The following ADPRS variants were observed in gnomAD, a reference collection of about 807,000 sequenced individuals.
The protein encoded by ADPRS is ADP-ribosylserine hydrolase, also known as ADP-ribosylhydrolase ARH3.
In ADPRS, 25 loss-of-function variants were observed where a neutral mutation model predicts 32.1. The observed-to-expected ratio is 0.78, with a 90% confidence interval of 0.57 to 1.09. The LOEUF is 1.09. Ranked by LOEUF, ADPRS falls within the 50% of genes least tolerant of loss-of-function variation. ADPRS has a pLI of 0.00. For synonymous variants in ADPRS, 225 were observed against 201.0 expected, an observed-to-expected ratio of 1.12 and a Z score of -1.01; for missense variants, 482 against 480.6, an observed-to-expected ratio of 1.00 and a Z score of -0.03.
intron 1 of ADPRS, among the ~76,000 whole-genome samples, chr1:36,089,703 A>G (rs923948414): frequency 2.0e-5 from 3 of 152,158 alleles, no homozygotes; most frequent in African/African-American, 4.8e-5. Flanking sequence ...GTACAGAGCC[A>G]CATTCCTTAA....
chr1:36,093,366 C>G lies in ADPRS; in HGVS notation c.1072C>G (p.Arg358Gly). The G allele has an allele frequency of 1.2e-6, 2 of 1,613,708 alleles. No homozygotes were observed. The highest frequency in any genetic ancestry group is 4.5e-5 in the East Asian group (2 of 44,886). ...AGACATCCTGGCCCAAAGCCTGCAC[C>G]GTGTCTTCCAGAAGAGTTGATGAGG... ...ETDILAQSLH[R>G]VFQKS is the part of the protein sequence containing the mutation. Residue 358 changes from arginine (R) to glycine (G), a missense_variant, in exon 6 of 6, where the codon CGT becomes GGT. Coordinates refer to ENST00000373178, the MANE Select transcript of ADPRS (RefSeq NM_017825.3).
Position 36,091,202 on chromosome 1 carries a change from A to G in ADPRS, c.212-42A>G, listed in dbSNP as rs374352908. 1.2e-5 allele frequency: 19 copies of G among 1,564,078 alleles called. No homozygotes were observed. In the Admixed American group the frequency reaches 1.7e-4, roughly 14 times the overall value. On this transcript the variant is annotated intron_variant, in intron 1 of 5. Transcript: ENST00000373178. ...GCAAAAAACAACAACAAAAAAAACA[A>G]AGGTGAGCAGGAGGCTCTCATCCTC...
chr1:36,093,320 C>T lies in ADPRS; in HGVS notation c.1026C>T (p.Ser342=), dbSNP rs747928436. 5.0e-6 allele frequency: 8 copies of T among 1,614,262 alleles called. No homozygotes were observed. Among genetic ancestry groups the T allele is most frequent in the Non-Finnish European group, 2.5e-6 (3 of 1,180,054 alleles). Residue 342 remains serine (S), a synonymous_variant, in exon 6 of 6, where the codon AGC becomes AGT. Coordinates refer to ENST00000373178, the MANE Select transcript of ADPRS (RefSeq NM_017825.3). Reference sequence around the variant, plus strand: ...AGGTGCCAGAGAGCTGGCAGCAAAGCTGTGAAGGCTACGAGGAGACAGACA... The same window carrying T: ...AGGTGCCAGAGAGCTGGCAGCAAAGTTGTGAAGGCTACGAGGAGACAGACA... ...MDQVPESWQQ[S]CEGYEETDIL... is the part of the protein sequence containing the mutation.
Position 36,092,230 on chromosome 1 carries a change from T to C in ADPRS, c.701+136T>C, listed in dbSNP as rs566741362. 6 of 1,308,962 alleles carry C rather than the reference T, an allele frequency of 4.6e-6. No homozygotes were observed. In the East Asian group the frequency reaches 7.5e-5, roughly 16 times the overall value. 81.1% of individuals were successfully genotyped at this position (1,308,962 alleles called of 1,614,324 possible). A position where few individuals can be genotyped will look rare whatever the true frequency, so the allele number is the denominator to read the frequency against. Reference sequence around the variant, plus strand: ...GGCAGAAGCCCCTTTATCTTGTCTATGTTTCAAGGCTCTCAGGGTCCCAGA... The same window carrying C: ...GGCAGAAGCCCCTTTATCTTGTCTACGTTTCAAGGCTCTCAGGGTCCCAGA... On this transcript the variant is annotated intron_variant, in intron 4 of 5. Transcript: ENST00000373178.
At chr1:36,092,133 G>A in intron 4 of ADPRS, 39 bp downstream of exon 4, 1 of 1,559,332 alleles carries the variant, frequency 6.4e-7, no homozygotes, top group Non-Finnish European at 8.7e-7. Context: ...TGGGTATGTG[G>A]GTGATCCAGG....
In ADPRS at chr1:36,091,284, C is replaced by G; in HGVS notation, c.252C>G (p.Ala84=). 6.2e-7 allele frequency: 1 copy of G among 1,614,206 alleles called. No homozygotes were observed. Among genetic ancestry groups the G allele is most frequent in the African/African-American group, 1.3e-5 (1 of 75,058 alleles). Residue 84 remains alanine (A), a synonymous_variant, in exon 2 of 6, where the codon GCC becomes GCG. Transcript: ENST00000373178. ...CAGATGACACAGCCATGGCCAGGGC[C>G]CTGGTGCAGTCCCTGCTAGCCAAGG... ...YYTDDTAMAR[A]LVQSLLAKEA...
In ADPRS at chr1:36,091,702, A is replaced by G. The variant is rs750785885; in HGVS notation, c.393A>G (p.Lys131=). The G allele has an allele frequency of 9.3e-6, 15 of 1,613,716 alleles. No homozygotes were observed. The highest frequency in any genetic ancestry group is 1.6e-4 in the Middle Eastern group (1 of 6,084). The change falls in exon 3 of 6, where the codon AAA becomes AAG. Residue 131 remains lysine, a synonymous_variant. Transcript: ENST00000373178. The part of the protein sequence containing the change: ...VTVFKKLLNP[K]CRDVFEPARA... ...TCTTCAAGAAGCTCCTGAACCCCAA[A>G]TGTCGCGATGTCTTTGAGCCTGCCC...
At chr1:36,089,531 G>A (rs1414481318) in intron 1 of ADPRS, among the ~76,000 whole-genome samples, 2 of 152,128 alleles carry the variant, frequency 1.3e-5, no homozygotes, top group Non-Finnish European at 2.9e-5. Flanking sequence ...CCTAAGTCGG[G>A]GACTGTCTGT....
chr1:36,091,605 T>C lies in ADPRS; in HGVS notation c.309-13T>C. On this transcript the variant is annotated splice_polypyrimidine_tract_variant and intron_variant, in intron 2 of 5. Coordinates refer to ENST00000373178, the MANE Select transcript of ADPRS (RefSeq NM_017825.3). ...TTGTAAATCTGAATTCTGTCTCCCCTTCTGTTCCCTAGATTTGCTCAGGAG... is the reference window on the plus strand; with the variant it reads ...TTGTAAATCTGAATTCTGTCTCCCCCTCTGTTCCCTAGATTTGCTCAGGAG... The C allele has an allele frequency of 1.3e-6, 2 of 1,574,022 alleles. No homozygotes were observed. The highest frequency in any genetic ancestry group is 1.7e-6 in the Non-Finnish European group (2 of 1,157,874).
At position 36,093,839 on chromosome 1, in the gene ADPRS, C is replaced by G; in HGVS notation, c.*453C>G. 1 of 165,956 alleles carries G rather than the reference C, an allele frequency of 6.0e-6. No homozygotes were observed. The highest frequency in any genetic ancestry group is 5.7e-5 in the Admixed American group (1 of 17,506). The allele number at this position is 165,956 out of a possible 1,614,324, so 10.3% of individuals were successfully genotyped here. On this transcript the variant is annotated 3_prime_UTR_variant, in exon 6 of 6. Transcript: ENST00000373178. ...GGATGAAGGGACAGGCACTTGCATC[C>G]AGCTGATCTAGGTCACACCTGGCTC...
At chr1:36,092,346 C>G (rs1643495810) in intron 4 of ADPRS, 76 bp from the exon 5 acceptor site, 1 of 1,427,802 alleles carries the variant, frequency 7.0e-7, no homozygotes, top group Non-Finnish European at 9.7e-7. Flanking sequence ...TGCTCGTTCT[C>G]ACATGCAGCC....
chr1:36,092,925 T>A (rs978985814), intron 5 of ADPRS, among the ~76,000 whole-genome samples, 172 bp from the exon 6 acceptor site: 2 of 152,182 alleles, frequency 1.3e-5, no homozygotes, highest in African/African-American at 4.8e-5. Flanking sequence ...CCTAGGTAAC[T>A]CTCCCAGTCA....
chr1:36,089,145 C>A, intron 1 of ADPRS, 30 bp downstream of exon 1: 1 of 1,388,520 alleles, frequency 7.2e-7, no homozygotes, highest in East Asian at 3.0e-5. Flanking sequence ...AGTCAGAGGC[C>A]GTGCGGGAGG....
Position 36,093,715 on chromosome 1 carries a change from G to T in ADPRS, c.*329G>T. On this transcript the variant is annotated 3_prime_UTR_variant, in exon 6 of 6. Coordinates refer to ENST00000373178, the MANE Select transcript of ADPRS (RefSeq NM_017825.3). ...TTGTCTTGGACATGGGATGTGGGGA[G>T]GTGGAAATGATGAGCAGTAGCATCA... is the stretch of plus-strand genomic sequence containing the variant. The T allele has an allele frequency of 3.7e-6, 1 of 272,942 alleles. No individual in the cohort carries two copies. Among genetic ancestry groups the T allele is most frequent in the South Asian group, 7.7e-5 (1 of 13,046 alleles). The allele number at this position is 272,942 out of a possible 1,614,324, so 16.9% of individuals were successfully genotyped here. A position where few individuals can be genotyped will look rare whatever the true frequency, so the allele number is the denominator to read the frequency against.
At position 36,093,425 on chromosome 1, in the gene ADPRS, G is replaced by A; in HGVS notation, c.*39G>A. ...TGTTGGGGCTCTGCCAGGTCCCCTGGGACCAACTACAGCTCCAATCAGAAA... is the reference window on the plus strand; with the variant it reads ...TGTTGGGGCTCTGCCAGGTCCCCTGAGACCAACTACAGCTCCAATCAGAAA... On this transcript the variant is annotated 3_prime_UTR_variant, in exon 6 of 6. Transcript: ENST00000373178. 1 of 1,584,986 alleles carries A rather than the reference G, an allele frequency of 6.3e-7. No individual in the cohort carries two copies. The highest frequency in any genetic ancestry group is 1.8e-5 in the Admixed American group (1 of 56,966).
Position 36,091,750 on chromosome 1 carries a change from C to T in ADPRS, c.441C>T (p.Gly147=). ...EPARAQFNGK[G]SYGNGGAMRV... ...CCCGGGCCCAGTTTAACGGGAAAGGCTCCTATGGCAATGGAGGTGCCATGC... is the reference window on the plus strand; with the variant it reads ...CCCGGGCCCAGTTTAACGGGAAAGGTTCCTATGGCAATGGAGGTGCCATGC... Residue 147 remains glycine, a synonymous_variant, in exon 3 of 6, where the codon GGC becomes GGT. Transcript: ENST00000373178. 3.1e-6 allele frequency: 5 copies of T among 1,613,394 alleles called. No individual in the cohort carries two copies. The highest frequency in any genetic ancestry group is 4.2e-6 in the Non-Finnish European group (5 of 1,179,620).
chr1:36,093,829 C>CG lies in ADPRS; in HGVS notation c.*443_*444insG. 1 of 167,334 alleles carries CG rather than the reference C, an allele frequency of 6.0e-6. No homozygotes were observed. Among genetic ancestry groups the CG allele is most frequent in the Admixed American group, 5.7e-5 (1 of 17,620 alleles). 10.4% of individuals were successfully genotyped at this position (167,334 alleles called of 1,614,324 possible). ...CAGGTTGTGTGGATGAAGGGACAGGCACTTGCATCCAGCTGATCTAGGTCA... is the reference window on the plus strand; with the variant it reads ...CAGGTTGTGTGGATGAAGGGACAGGCGACTTGCATCCAGCTGATCTAGGTCA... On this transcript the variant is annotated 3_prime_UTR_variant, in exon 6 of 6. Coordinates refer to ENST00000373178, the MANE Select transcript of ADPRS (RefSeq NM_017825.3).
At chr1:36,089,571 C>T (rs1006554131) in intron 1 of ADPRS, among the ~76,000 whole-genome samples, 1 of 152,114 alleles carries the variant, frequency 6.6e-6, no homozygotes, top group Non-Finnish European at 1.5e-5. Flanking sequence ...CTCTTTTTCC[C>T]GGTTCTCTAG....
At chr1:36,090,025 G>A (rs1643457685) in intron 1 of ADPRS, among the ~76,000 whole-genome samples, 3 of 152,134 alleles carry the variant, frequency 2.0e-5, no homozygotes, top group Admixed American at 2.0e-4. Flanking sequence ...AAGGGGATTA[G>A]GGAAGGAAAC....
Sources: allele counts gnomAD v4.1 joint callset (sites outside exome capture counted in the v4.1 genomes callset), GRCh38; gene constraint gnomAD v4.1.1; transcripts MANE v1.5; gene names NCBI Gene and HGNC (gene_info 2026-07-23, HGNC 2026-07-21).